The following IGFL2 variants were observed in gnomAD, a reference collection of about 807,000 sequenced individuals.
IGFL2 encodes IGF like family member 2.
In IGFL2, 7 loss-of-function variants were observed where a neutral mutation model predicts 13.9. The ratio of observed to expected loss-of-function variants is 0.51; its 90% CI spans 0.29 to 0.95. The LOEUF is 0.95. Ranked by LOEUF, IGFL2 falls within the 40% of genes least tolerant of loss-of-function variation. The pLI is 0.08. For missense variants in IGFL2, 138 were observed against 147.8 expected (o/e 0.93, Z 0.34); for synonymous variants, 55 against 55.8 (o/e 0.99, Z 0.07).
chr19:46,079,131 C>T, the IGFL2 span, among the ~76,000 whole-genome samples: 1 of 152,048 alleles, frequency 6.6e-6, no homozygotes, highest in Non-Finnish European at 1.5e-5. Flanking sequence ...CAGGCGTCGT[C>T]AGTAGACATC....
upstream of IGFL2, among the ~76,000 whole-genome samples, chr19:46,143,945 C>G (rs575627324): frequency 8.3e-4 from 127 of 152,378 alleles, 2 homozygotes; most frequent in Middle Eastern, 0.017. Context: ...ACTGGGGCTA[C>G]AGCCTTAGGG....
the IGFL2 span, among the ~76,000 whole-genome samples, chr19:46,167,894 C>T: frequency 2.6e-5 from 4 of 152,320 alleles, no homozygotes; most frequent in South Asian, 8.3e-4. Context: ...CGGCATTGAC[C>T]AGCACCTTGA....
chr19:46,168,784 T>C, the IGFL2 span, among the ~76,000 whole-genome samples: 13 of 152,334 alleles, frequency 8.5e-5, no homozygotes, highest in South Asian at 1.9e-3. Context: ...AATAAAGTTC[T>C]ACTTATATAA....
chr19:46,151,217 A>G (rs999191822), intron 1 of IGFL2, among the ~76,000 whole-genome samples: 3 of 151,996 alleles, frequency 2.0e-5, no homozygotes, highest in Admixed American at 6.6e-5. Context: ...TAAGAGTTTT[A>G]TATGTTCGCT....
chr19:46,127,453 A>G, the IGFL2 span, among the ~76,000 whole-genome samples: 4 of 152,210 alleles, frequency 2.6e-5, no homozygotes, highest in Non-Finnish European at 5.9e-5. Context: ...GTCATAGGCA[A>G]TCATTCTTAG....
the IGFL2 span, among the ~76,000 whole-genome samples, chr19:46,197,816 G>T: frequency 1.3e-5 from 2 of 151,998 alleles, no homozygotes; most frequent in African/African-American, 4.8e-5. Context: ...AAAGGTGTGA[G>T]TCACTGTGCC....
At chr19:46,079,319 C>T in the IGFL2 span, among the ~76,000 whole-genome samples, 1 of 152,238 alleles carries the variant, frequency 6.6e-6, no homozygotes, top group East Asian at 1.9e-4. Context: ...TTTTGGCTGC[C>T]CAGGAGGTGC....
At chr19:46,087,081 T>G in the IGFL2 span, among the ~76,000 whole-genome samples, 9 of 152,304 alleles carry the variant, frequency 5.9e-5, no homozygotes, top group Non-Finnish European at 1.5e-5. Flanking sequence ...TGTTAGCAGG[T>G]CCAGGCAGGC....
the IGFL2 span, among the ~76,000 whole-genome samples, chr19:46,211,860 T>C: frequency 6.6e-6 from 1 of 152,108 alleles, no homozygotes. Context: ...GTTCCTGGAA[T>C]GTGAAACCTC....
At chr19:46,147,546 G>A (rs1424995383), upstream of IGFL2, among the ~76,000 whole-genome samples, 1 of 152,176 alleles carries the variant, frequency 6.6e-6, no homozygotes, top group African/African-American at 2.4e-5. Flanking sequence ...AATGCAGTGA[G>A]ACAATCCTAA....
the IGFL2 span, among the ~76,000 whole-genome samples, chr19:46,129,305 TTTTG>T: frequency 3.2e-4 from 41 of 128,414 alleles, no homozygotes; most frequent in Middle Eastern, 3.5e-3. Context: ...TTTGTTGATC[TTTTG>T]TGTGTGTGTG....
At chr19:46,200,835 G>A in the IGFL2 span, 1 of 152,046 alleles carries the variant, frequency 6.6e-6, no homozygotes, top group South Asian at 2.1e-4. Context: ...CATTCTTGTT[G>A]GTTTTGCTTC....
chr19:46,109,089 C>T, the IGFL2 span, among the ~76,000 whole-genome samples: 3 of 150,146 alleles, frequency 2.0e-5, no homozygotes, highest in South Asian at 4.3e-4. Flanking sequence ...CCAAATGTCA[C>T]GTGTGTCTGT....
At chr19:46,138,199 G>A (rs1972690259), upstream of IGFL2, among the ~76,000 whole-genome samples, 1 of 152,086 alleles carries the variant, frequency 6.6e-6, no homozygotes, top group Non-Finnish European at 1.5e-5. Context: ...GGGCTTTTGG[G>A]TTTTACATTC....
chr19:46,167,588 G>A, the IGFL2 span, among the ~76,000 whole-genome samples: 1 of 152,202 alleles, frequency 6.6e-6, no homozygotes, highest in South Asian at 2.1e-4. Context: ...CGGGGACCAG[G>A]GCTCACACTT....
chr19:46,193,517 C>T, the IGFL2 span, among the ~76,000 whole-genome samples: 2 of 151,852 alleles, frequency 1.3e-5, no homozygotes, highest in Non-Finnish European at 2.9e-5. Context: ...TCAGATATGC[C>T]AAACAGAAAC....
At position 46,161,279 on chromosome 19, in the gene IGFL2, T is replaced by C. The variant is rs1472201663; in HGVS notation, c.*191T>C. 2 of 585,028 alleles carry C rather than the reference T, an allele frequency of 3.4e-6. No homozygotes were observed. Among genetic ancestry groups the C allele is most frequent in the Non-Finnish European group, 6.1e-6 (2 of 329,508 alleles). The allele number at this position is 585,028 out of a possible 1,614,324, so 36.2% of individuals were successfully genotyped here. A position where few individuals can be genotyped will look rare whatever the true frequency, so the allele number is the denominator to read the frequency against. ...TTATCAGGAAATAAATAAAGTGGTTTTTCCAATGTACACACCTGTACCCAA... is the reference window on the plus strand; with the variant it reads ...TTATCAGGAAATAAATAAAGTGGTTCTTCCAATGTACACACCTGTACCCAA... On this transcript the variant is annotated 3_prime_UTR_variant, in exon 4 of 4. Coordinates refer to ENST00000377693, the MANE Select transcript of IGFL2 (RefSeq NM_001135113.2).
chr19:46,165,411 C>G (rs1314691162), downstream of IGFL2, among the ~76,000 whole-genome samples: 1 of 152,202 alleles, frequency 6.6e-6, no homozygotes, highest in East Asian at 1.9e-4. Context: ...CAGCCAGCAC[C>G]CCATAGCAGG....
the IGFL2 span, among the ~76,000 whole-genome samples, chr19:46,171,566 C>G: frequency 6.6e-6 from 1 of 152,168 alleles, no homozygotes; most frequent in African/African-American, 2.4e-5. Flanking sequence ...CAAATTAACT[C>G]TGAGTACAAT....
Sources: allele counts gnomAD v4.1 joint callset (sites outside exome capture counted in the v4.1 genomes callset), GRCh38; gene constraint gnomAD v4.1.1; transcripts MANE v1.5; gene names NCBI Gene and HGNC (gene_info 2026-07-23, HGNC 2026-07-21).